Variants in TPM3 observed in about 807,000 individuals in gnomAD.
The protein encoded by TPM3 is tropomyosin alpha-3 chain.
TPM3 carries 16 observed loss-of-function variants against 43.1 expected under a neutral mutation model. The observed-to-expected ratio is 0.37, with a 90% CI of 0.25 to 0.56. The LOEUF is 0.56. Ranked by LOEUF, TPM3 falls within the 20% of genes least tolerant of loss-of-function variation. The pLI, the probability that TPM3 is intolerant of heterozygous loss-of-function variation, is 0.77. For missense variants in TPM3, 176 were observed against 337.2 expected, an observed-to-expected ratio of 0.52 and a Z score of 3.74; for synonymous variants, 101 against 116.9, an observed-to-expected ratio of 0.86 and a Z score of 0.88.
chr1:154,175,125 A>G (rs1662146828), intron 3 of TPM3, among the ~76,000 whole-genome samples: 2 of 152,030 alleles, frequency 1.3e-5, no homozygotes, highest in Non-Finnish European at 2.9e-5. Flanking sequence ...AAGGCAGGAG[A>G]TCAAGACCAT....
rs891467420 is a variant in TPM3 at position 154,175,102 on chromosome 1, C to T, written c.377+1013G>A. Reference sequence around the variant, plus strand: ...ATCCCAGCACACTGGGAGGCCGAGGCGGGAGGATCACAAAGGCAGGAGATC... The same window carrying T: ...ATCCCAGCACACTGGGAGGCCGAGGTGGGAGGATCACAAAGGCAGGAGATC... On this transcript the variant is annotated intron_variant, in intron 3 of 9. Transcript: ENST00000651641. Among the ~76,000 whole-genome samples, 8 of 152,062 alleles carry T rather than the reference C, an allele frequency of 5.3e-5. No homozygotes were observed. In the South Asian group the frequency reaches 6.2e-4, roughly 12 times the overall value.
chr1:154,183,651 A>G (rs1663228709), intron 2 of TPM3: 1 of 179,538 alleles, frequency 5.6e-6, no homozygotes, highest in African/African-American at 2.4e-5. Flanking sequence ...AAAGTCTAAA[A>G]GACTTTCTGG....
chr1:154,168,814 C>CT (rs1323028998), intron 9 of TPM3, among the ~76,000 whole-genome samples: 1 of 151,750 alleles, frequency 6.6e-6, no homozygotes. Context: ...GTGTGAGCCA[C>CT]TACGCCCAGC....
Position 154,170,689 on chromosome 1 carries a change from T to A in TPM3, c.665A>T (p.Tyr222Phe), listed in dbSNP as rs142817656. ...AEKYSQKEDK[Y>F]EEEIKILTDK... ...AGTAAGAATCTTGATTTCTTCCTCA[T>A]ATTTATCTTCTTTTTGAGAGTACTG... The change falls in exon 7 of 10, where the codon TAT (tyrosine) becomes TTT (phenylalanine). Residue 222 changes from tyrosine to phenylalanine, a missense_variant. Tyr to Phe is a conservative substitution (Grantham distance 22). Around this residue, in one of 4 missense-constraint regions of TPM3, gnomAD observed 53 missense variants for 98.3 expected, o/e 0.54. Coordinates refer to ENST00000651641, the MANE Select transcript of TPM3 (RefSeq NM_152263.4). The A allele has an allele frequency of 2.0e-5, 32 of 1,612,374 alleles. No individual in the cohort carries two copies. In the Admixed American group the frequency reaches 5.0e-4, roughly 25 times the overall value.
chr1:154,167,868 G>T lies in TPM3; in HGVS notation c.*69C>A. On this transcript the variant is annotated 3_prime_UTR_variant, in exon 10 of 10. Transcript: ENST00000651641. ...GGCTGACCCAAATGGAATCCAGAGC[G>T]AGAGTGGGGCCTTGGGTTCCCCGAG... The T allele has an allele frequency of 6.2e-7, 1 of 1,613,772 alleles. No homozygotes were observed. Among genetic ancestry groups the T allele is most frequent in the Non-Finnish European group, 8.5e-7 (1 of 1,179,786 alleles).
chr1:154,172,842 T>G, intron 5 of TPM3, 66 bp downstream of exon 5: 1 of 1,582,312 alleles, frequency 6.3e-7, no homozygotes, highest in Non-Finnish European at 8.7e-7. Flanking sequence ...TTATTCATAT[T>G]AGTGCCCAAG....
intron 3 of TPM3, among the ~76,000 whole-genome samples, chr1:154,174,951 G>A (rs1662127097): frequency 6.6e-6 from 1 of 152,072 alleles, no homozygotes; most frequent in Admixed American, 6.6e-5. Flanking sequence ...ACTCACATGT[G>A]GCAAGGAGAC....
At chr1:154,180,003 T>G (rs1662776861) in intron 2 of TPM3, among the ~76,000 whole-genome samples, 1 of 152,098 alleles carries the variant, frequency 6.6e-6, no homozygotes, top group Non-Finnish European at 1.5e-5. Context: ...TGTATTTTTA[T>G]CACCACTACC....
In TPM3 at chr1:154,165,799, A is replaced by AAAAAAAAG. The variant is rs1258526049; in HGVS notation, c.*2130_*2137dup. 6.6e-6 allele frequency among the ~76,000 whole-genome samples: 1 copy of AAAAAAAAG among 151,828 alleles called. No homozygotes were observed. The highest frequency in any genetic ancestry group is 2.4e-5 in the African/African-American group (1 of 41,376). On this transcript the variant is annotated 3_prime_UTR_variant, in exon 10 of 10. Transcript: ENST00000651641. Reference sequence around the variant, plus strand: ...AGTCAAACTCCGTCTCAAAAAAAAAAAAAAAAAGAAAAAAAGAAAAAAGTT... The same window carrying AAAAAAAAG: ...AGTCAAACTCCGTCTCAAAAAAAAAAAAAAAAAGAAAAAAAGAAAAAAAGAAAAAAGTT...
intron 2 of TPM3, among the ~76,000 whole-genome samples, chr1:154,182,465 G>A (rs565656387): frequency 2.2e-4 from 34 of 152,346 alleles, no homozygotes; most frequent in African/African-American, 7.7e-4. Context: ...TGAGCAGGAG[G>A]AGGGAGCGGA....
chr1:154,176,735 T>A (rs1571421308), intron 2 of TPM3, among the ~76,000 whole-genome samples: 1 of 151,612 alleles, frequency 6.6e-6, no homozygotes, highest in African/African-American at 2.4e-5. Context: ...ATCCCAGTAT[T>A]CTGGGAGGCT....
intron 3 of TPM3, among the ~76,000 whole-genome samples, chr1:154,175,673 C>T (rs1571416795): frequency 2.6e-5 from 4 of 152,176 alleles, no homozygotes; most frequent in African/African-American, 4.8e-5. Flanking sequence ...ATTAATCTCA[C>T]AAATAGAAGC....
intron 2 of TPM3, among the ~76,000 whole-genome samples, chr1:154,179,376 G>A (rs1313799627): frequency 6.6e-6 from 1 of 152,130 alleles, no homozygotes; most frequent in African/African-American, 2.4e-5. Flanking sequence ...GGAAAGCAAA[G>A]CAACCAAAGA....
At chr1:154,172,033 T>C (rs753244578) in intron 5 of TPM3, 2 of 1,613,996 alleles carry the variant, frequency 1.2e-6, no homozygotes, top group East Asian at 2.2e-5. Flanking sequence ...TAGTACCTTT[T>C]CTTCAGCAGC....
At chr1:154,156,873 T>C (rs1288290132), downstream of TPM3, 1 of 195,562 alleles carries the variant, frequency 5.1e-6, no homozygotes, top group Non-Finnish European at 1.1e-5. Flanking sequence ...GGAAAGCAAT[T>C]AAGTGGTCAC....
chr1:154,172,866 G>A (rs1661760932), intron 5 of TPM3, 42 bp downstream of exon 5: 1 of 1,609,620 alleles, frequency 6.2e-7, no homozygotes. Context: ...AAGGGGAAGG[G>A]ATAAATTGGT....
intron 2 of TPM3, among the ~76,000 whole-genome samples, chr1:154,179,970 T>C (rs963208453): frequency 1.3e-5 from 2 of 152,098 alleles, no homozygotes; most frequent in Non-Finnish European, 2.9e-5. Context: ...CATTTATAAA[T>C]GGTTAAAATG....
At chr1:154,172,780 A>T in intron 5 of TPM3, 128 bp downstream of exon 5, 1 of 1,171,696 alleles carries the variant, frequency 8.5e-7, no homozygotes, top group Non-Finnish European at 1.3e-6. Context: ...AAAGCACTAT[A>T]GATGACTCCC....
downstream of TPM3, chr1:154,158,875 T>C (rs1660072241): frequency 1.3e-6 from 1 of 760,286 alleles, no homozygotes; most frequent in Non-Finnish European, 2.4e-6. Context: ...GGCAAAATAA[T>C]AACTTTTAAA....
Sources: gnomAD v4.1 joint callset for allele counts (sites outside exome capture counted in the v4.1 genomes callset) on GRCh38, gnomAD v4.1.1 for gene constraint, gnomAD v4.1.1 regional missense constraint, MANE v1.5 for transcripts, NCBI Gene and HGNC (gene_info 2026-07-23, HGNC 2026-07-21) for gene names.